The following NTRK2 variants were observed in gnomAD, a reference collection of about 807,000 sequenced individuals.
The protein encoded by NTRK2 is BDNF/NT-3 growth factors receptor.
In NTRK2, 13 loss-of-function variants were observed where a neutral mutation model predicts 94.5. That is an observed-to-expected ratio of 0.14 (90% CI 0.09 to 0.22). NTRK2 has a LOEUF of 0.22. Ranked by LOEUF, NTRK2 falls within the 10% of genes least tolerant of loss-of-function variation. The pLI is 1.00. For synonymous variants in NTRK2, 372 were observed against 407.4 expected (o/e 0.91, Z 1.05); for missense variants, 639 against 1,071.2 (o/e 0.60, Z 5.63).
chr9:84,821,249 C>T (rs1406886845), intron 12 of NTRK2, among the ~76,000 whole-genome samples: 4 of 151,508 alleles, frequency 2.6e-5, no homozygotes, highest in Non-Finnish European at 5.9e-5. Flanking sequence ...ATTGGTTGGG[C>T]GGAATGTACT....
At chr9:84,843,946 T>C (rs1208969279) in intron 12 of NTRK2, among the ~76,000 whole-genome samples, 1 of 152,042 alleles carries the variant, frequency 6.6e-6, no homozygotes, top group Admixed American at 6.5e-5. Context: ...GGGGGAAGGA[T>C]TGGCATTGAC....
At chr9:84,907,121 A>G (rs2077096729) in intron 14 of NTRK2, among the ~76,000 whole-genome samples, 1 of 152,204 alleles carries the variant, frequency 6.6e-6, no homozygotes, top group Non-Finnish European at 1.5e-5. Context: ...TTTAAACCAC[A>G]CCAAAAAGAT....
chr9:84,726,913 C>T (rs994867258), intron 8 of NTRK2, among the ~76,000 whole-genome samples: 5 of 152,142 alleles, frequency 3.3e-5, no homozygotes, highest in African/African-American at 1.2e-4. Context: ...TTTGTTTCCC[C>T]AAAGCATAAA....
chr9:84,699,450 G>A (rs1300354128), intron 2 of NTRK2, among the ~76,000 whole-genome samples: 1 of 152,168 alleles, frequency 6.6e-6, no homozygotes, highest in Non-Finnish European at 1.5e-5. Flanking sequence ...ATTCTCTAGT[G>A]ACCATTTTTC....
intron 14 of NTRK2, among the ~76,000 whole-genome samples, chr9:84,909,892 T>A (rs2077188006): frequency 6.6e-6 from 1 of 152,196 alleles, no homozygotes; most frequent in South Asian, 2.1e-4. Context: ...CTTTTCATCA[T>A]TTTAACAGGA....
intron 4 of NTRK2, among the ~76,000 whole-genome samples, chr9:84,705,252 G>T (rs117762954): frequency 6.6e-6 from 1 of 152,062 alleles, no homozygotes; most frequent in Non-Finnish European, 1.5e-5. Context: ...GAGCCCCAGA[G>T]ACTGGTCACT....
chr9:84,870,853 T>A (rs2075838072), intron 14 of NTRK2, among the ~76,000 whole-genome samples: 1 of 152,176 alleles, frequency 6.6e-6, no homozygotes, highest in Non-Finnish European at 1.5e-5. Flanking sequence ...TTACTTCTCT[T>A]TCCTAAAACT....
At chr9:84,905,921 T>A (rs1436060671) in intron 14 of NTRK2, among the ~76,000 whole-genome samples, 1 of 152,184 alleles carries the variant, frequency 6.6e-6, no homozygotes, top group Non-Finnish European at 1.5e-5. Flanking sequence ...TGTTTCTGTT[T>A]TAATCTGGGT....
intron 17 of NTRK2, among the ~76,000 whole-genome samples, chr9:84,969,909 A>G (rs140953107): frequency 3.9e-5 from 6 of 152,356 alleles, no homozygotes; most frequent in African/African-American, 1.4e-4. Context: ...GTATAATACA[A>G]TAAAGTTCTG....
In NTRK2 at chr9:84,741,879, T is replaced by C. The variant is rs2063677755; in HGVS notation, c.1160-13T>C. On this transcript the variant is annotated splice_polypyrimidine_tract_variant and intron_variant, in intron 9 of 18. Transcript: ENST00000277120. ...TGCATACTTACAAATCTTTGCTCTG[T>C]TTTGCCTTTTAGGTGCAAACCCAAA... 3 of 1,611,638 alleles carry C rather than the reference T, an allele frequency of 1.9e-6. No individual in the cohort carries two copies. Among genetic ancestry groups the C allele is most frequent in the Non-Finnish European group, 2.5e-6 (3 of 1,178,394 alleles).
chr9:85,006,106 A>G (rs895935504), intron 17 of NTRK2, among the ~76,000 whole-genome samples: 4 of 152,186 alleles, frequency 2.6e-5, no homozygotes, highest in Non-Finnish European at 4.4e-5. Flanking sequence ...TATCAACTCC[A>G]TGGTTAAGGA....
At chr9:84,787,153 C>T (rs1434309875) in intron 12 of NTRK2, among the ~76,000 whole-genome samples, 1 of 151,932 alleles carries the variant, frequency 6.6e-6, no homozygotes, top group African/African-American at 2.4e-5. Context: ...CAAAAATTGG[C>T]CAGGCGTGGT....
At chr9:84,980,924 A>G (rs906308902) in intron 17 of NTRK2, among the ~76,000 whole-genome samples, 1 of 152,198 alleles carries the variant, frequency 6.6e-6, no homozygotes, top group African/African-American at 2.4e-5. Flanking sequence ...TCCTTTGCCA[A>G]GTTTTTATAT....
chr9:84,904,891 C>G (rs2077028452), intron 14 of NTRK2, among the ~76,000 whole-genome samples: 1 of 152,162 alleles, frequency 6.6e-6, no homozygotes, highest in Admixed American at 6.5e-5. Context: ...AAACCTCCAG[C>G]TTTTCTTCTC....
chr9:84,923,429 A>G (rs2077634358), intron 14 of NTRK2, among the ~76,000 whole-genome samples: 1 of 152,212 alleles, frequency 6.6e-6, no homozygotes, highest in South Asian at 2.1e-4. Context: ...ATGTGCACAG[A>G]GAAGATACTC....
rs545499516 is a variant in NTRK2 at position 84,910,705 on chromosome 9, G to C, written c.1634-23457G>C. Among the ~76,000 whole-genome samples, 3 of 152,248 alleles carry C rather than the reference G, an allele frequency of 2.0e-5. No individual in the cohort carries two copies. In the East Asian group the frequency reaches 5.8e-4, roughly 29 times the overall value. On this transcript the variant is annotated intron_variant, in intron 14 of 18. Transcript: ENST00000277120. ...CATCTGGGCATATCTGTCTGAGTCT[G>C]TTTGGGTTCTCTCTTCTGTTCTATT... is the stretch of plus-strand genomic sequence containing the variant.
At chr9:84,833,269 T>C (rs1011641491) in intron 12 of NTRK2, among the ~76,000 whole-genome samples, 4 of 151,666 alleles carry the variant, frequency 2.6e-5, no homozygotes, top group Non-Finnish European at 5.9e-5. Flanking sequence ...AAAATATCCA[T>C]GCCTGGGATC....
At chr9:84,819,868 G>C (rs1315839030) in intron 12 of NTRK2, among the ~76,000 whole-genome samples, 1 of 151,934 alleles carries the variant, frequency 6.6e-6, no homozygotes, top group Non-Finnish European at 1.5e-5. Flanking sequence ...TCTTTACCCC[G>C]CCCGCATCTC....
intron 9 of NTRK2, among the ~76,000 whole-genome samples, chr9:84,734,909 G>C (rs1031201072): frequency 6.6e-6 from 1 of 152,122 alleles, no homozygotes; most frequent in African/African-American, 2.4e-5. Flanking sequence ...TTCAGAGGGT[G>C]GGTCAGTCTT....
Sources: gnomAD v4.1 joint callset for allele counts (sites outside exome capture counted in the v4.1 genomes callset) on GRCh38, gnomAD v4.1.1 for gene constraint, MANE v1.5 for transcripts, NCBI Gene and HGNC (gene_info 2026-07-23, HGNC 2026-07-21) for gene names.